ANKH: variants seen among roughly 807,000 people sequenced by gnomAD.
ANKH encodes mineralization regulator ANKH.
In ANKH, 15 loss-of-function variants were observed where a neutral mutation model predicts 49.0. That is an observed-to-expected ratio of 0.31 (90% confidence interval 0.20 to 0.47). ANKH has a LOEUF of 0.47. Among genes scored for constraint, ANKH ranks in the 20% least tolerant of loss-of-function variants. The probability of loss-of-function intolerance (pLI) is 1.00; values close to 1 mark genes in which losing one functional copy is unlikely to be tolerated. For synonymous variants in ANKH, 273 were observed against 260.0 expected (o/e 1.05, Z -0.48); for missense variants, 429 against 652.0 (o/e 0.66, Z 3.72).
intron 8 of ANKH, among the ~76,000 whole-genome samples, chr5:14,720,767 T>C (rs1239635054): frequency 6.6e-6 from 1 of 152,234 alleles, no homozygotes; most frequent in Non-Finnish European, 1.5e-5. Flanking sequence ...GCTTTACTGA[T>C]TTTGCAGCCA....
Position 14,863,491 on chromosome 5 carries a change from A to G in ANKH, c.96+7861T>C, listed in dbSNP as rs540597114. Among the ~76,000 whole-genome samples the G allele has an allele frequency of 3.3e-5, 5 of 152,302 alleles. No homozygotes were observed. In the South Asian group the frequency reaches 8.3e-4, roughly 25 times the overall value. ...GACTTCCAACAACCCTAGTTCTCAT[A>G]CTAAAAAAAGGAAAAACCCAGTGAC... On this transcript the variant is annotated intron_variant, in intron 1 of 11. Transcript: ENST00000284268.
At chr5:14,793,078 A>AT (rs1561058039) in intron 1 of ANKH, among the ~76,000 whole-genome samples, 7 of 80,000 alleles carry the variant, frequency 8.7e-5, no homozygotes, top group East Asian at 3.9e-4. Context: ...TAAATATATA[A>AT]AAATATATAT....
At chr5:14,844,289 T>C (rs1741896465) in intron 1 of ANKH, among the ~76,000 whole-genome samples, 1 of 152,232 alleles carries the variant, frequency 6.6e-6, no homozygotes, top group Non-Finnish European at 1.5e-5. Flanking sequence ...ATGCTTATTT[T>C]CTAAAAGCAC....
chr5:14,802,144 T>C (rs997901458), intron 1 of ANKH, among the ~76,000 whole-genome samples: 1 of 152,176 alleles, frequency 6.6e-6, no homozygotes, highest in Non-Finnish European at 1.5e-5. Flanking sequence ...CACCAGCTAG[T>C]GCTTGTTGGG....
intron 6 of ANKH, 122 bp from the exon 7 acceptor site, chr5:14,746,084 G>A: frequency 1.3e-6 from 1 of 774,180 alleles, no homozygotes. Flanking sequence ...CGCTACACTG[G>A]GTGACAAACA....
At chr5:14,866,516 A>G (rs1034361817) in intron 1 of ANKH, among the ~76,000 whole-genome samples, 3 of 152,164 alleles carry the variant, frequency 2.0e-5, no homozygotes, top group Admixed American at 6.5e-5. Flanking sequence ...GAAATTGGGG[A>G]CTCTGAACCA....
intron 5 of ANKH, 84 bp from the exon 6 acceptor site, chr5:14,749,390 G>T: frequency 6.7e-7 from 1 of 1,482,812 alleles, no homozygotes. Context: ...CTTTTCCTTC[G>T]TATGTTAATC....
At chr5:14,846,481 G>A (rs1002171431) in intron 1 of ANKH, among the ~76,000 whole-genome samples, 12 of 152,158 alleles carry the variant, frequency 7.9e-5, no homozygotes, top group Admixed American at 3.9e-4. Flanking sequence ...AATTAATATC[G>A]TGATTTTTAG....
chr5:14,726,309 G>C (rs1299150630), intron 8 of ANKH, among the ~76,000 whole-genome samples: 1 of 152,190 alleles, frequency 6.6e-6, no homozygotes, highest in Non-Finnish European at 1.5e-5. Context: ...CTGCATGCAC[G>C]TAAGGAAGGA....
intron 1 of ANKH, among the ~76,000 whole-genome samples, chr5:14,830,655 T>C (rs1741480106): frequency 6.6e-6 from 1 of 152,138 alleles, no homozygotes; most frequent in Non-Finnish European, 1.5e-5. Context: ...CCGACTAAGA[T>C]AGCACGGAGC....
intron 1 of ANKH, among the ~76,000 whole-genome samples, chr5:14,811,332 T>C (rs1360801525): frequency 3.3e-5 from 5 of 152,184 alleles, no homozygotes; most frequent in African/African-American, 4.8e-5. Context: ...GCGGTCTTAA[T>C]AGGCACCAGG....
At chr5:14,776,481 G>C (rs950802289) in intron 1 of ANKH, among the ~76,000 whole-genome samples, 6 of 152,172 alleles carry the variant, frequency 3.9e-5, no homozygotes, top group African/African-American at 1.4e-4. Context: ...TCCACAATTT[G>C]GCCCCACAGC....
intron 8 of ANKH, among the ~76,000 whole-genome samples, chr5:14,734,545 G>C (rs1348994975): frequency 2.0e-5 from 3 of 152,244 alleles, no homozygotes; most frequent in Non-Finnish European, 4.4e-5. Flanking sequence ...TTCCACAGCA[G>C]TGAAAACCGA....
chr5:14,755,061 CAA>C (rs71603737), intron 4 of ANKH, among the ~76,000 whole-genome samples: 84 of 90,746 alleles, frequency 9.3e-4, no homozygotes, highest in African/African-American at 2.0e-3. Flanking sequence ...AACTCTGTCT[CAA>C]AAAAAAAAAA....
chr5:14,767,589 A>G (rs1356919105), intron 2 of ANKH, among the ~76,000 whole-genome samples: 2 of 152,186 alleles, frequency 1.3e-5, no homozygotes, highest in Non-Finnish European at 2.9e-5. Flanking sequence ...TTGCAATAAC[A>G]CGGGATGCTT....
At chr5:14,867,716 C>T (rs1360311020) in intron 1 of ANKH, among the ~76,000 whole-genome samples, 1 of 152,122 alleles carries the variant, frequency 6.6e-6, no homozygotes, top group African/African-American at 2.4e-5. Context: ...CCCGCCACCG[C>T]GCCTGGCTAA....
At chr5:14,740,049 G>A (rs1738305484) in intron 8 of ANKH, among the ~76,000 whole-genome samples, 1 of 152,156 alleles carries the variant, frequency 6.6e-6, no homozygotes, top group Admixed American at 6.5e-5. Context: ...AAAGAGAGGT[G>A]AATGTCCTTA....
chr5:14,718,198 T>C (rs1737543266), intron 8 of ANKH, among the ~76,000 whole-genome samples: 1 of 152,058 alleles, frequency 6.6e-6, no homozygotes, highest in Admixed American at 6.5e-5. Context: ...TCCTGGTGTT[T>C]ACAGCTTCCA....
intron 1 of ANKH, among the ~76,000 whole-genome samples, chr5:14,859,507 A>G (rs191560046): frequency 2.6e-5 from 4 of 152,350 alleles, no homozygotes; most frequent in Middle Eastern, 3.4e-3. Context: ...CAATTATTTT[A>G]CAAACTCTCC....
Sources: allele counts gnomAD v4.1 joint callset (sites outside exome capture counted in the v4.1 genomes callset), GRCh38; gene constraint gnomAD v4.1.1; transcripts MANE v1.5; gene names NCBI Gene and HGNC (gene_info 2026-07-23, HGNC 2026-07-21).